The following PRKG1 variants were observed in gnomAD, a reference collection of about 807,000 sequenced individuals.
The protein encoded by PRKG1 is protein kinase cGMP-dependent 1.
Under a neutral mutation model 88.1 loss-of-function variants are expected in PRKG1, and 35 were observed. The ratio of observed to expected loss-of-function variants is 0.40; its 90% CI spans 0.30 to 0.53. PRKG1 has a LOEUF of 0.53. PRKG1 is among the 20% of genes least tolerant of loss of function. The pLI is 0.59. For missense variants in PRKG1, 540 were observed against 839.8 expected, an observed-to-expected ratio of 0.64 and a Z score of 4.41; for synonymous variants, 303 against 292.5, an observed-to-expected ratio of 1.04 and a Z score of -0.37.
chr10:52,006,547 C>A (rs1012225592), intron 5 of PRKG1, among the ~76,000 whole-genome samples: 5 of 151,988 alleles, frequency 3.3e-5, no homozygotes, highest in South Asian at 4.2e-4. Context: ...AAAGACTGGC[C>A]CTCTGAAATT....
intron 3 of PRKG1, among the ~76,000 whole-genome samples, chr10:51,571,906 A>G (rs1338015271): frequency 1.3e-5 from 2 of 151,784 alleles, no homozygotes; most frequent in Non-Finnish European, 2.9e-5. Context: ...TGAGAAAAGT[A>G]CTGGCTTAAA....
intron 1 of PRKG1, among the ~76,000 whole-genome samples, chr10:51,037,478 A>G (rs1467380075): frequency 2.0e-5 from 3 of 151,718 alleles, no homozygotes; most frequent in Non-Finnish European, 4.4e-5. Context: ...ACAAAAAACA[A>G]ACAAACAAAA....
intron 4 of PRKG1, among the ~76,000 whole-genome samples, chr10:51,846,168 A>T (rs916592180): frequency 2.6e-5 from 4 of 152,280 alleles, no homozygotes; most frequent in Middle Eastern, 3.4e-3. Flanking sequence ...AGTTCATAGA[A>T]ACAACCATAC....
chr10:51,110,737 G>C (rs139240602), intron 1 of PRKG1, among the ~76,000 whole-genome samples: 19 of 152,058 alleles, frequency 1.2e-4, no homozygotes, highest in African/African-American at 3.9e-4. Flanking sequence ...TGTATCTAAA[G>C]AGAGCTGCTA....
At chr10:51,620,282 T>TAA (rs1275492817) in intron 3 of PRKG1, among the ~76,000 whole-genome samples, 1 of 152,100 alleles carries the variant, frequency 6.6e-6, no homozygotes, top group African/African-American at 2.4e-5. Context: ...TAACTTGTAG[T>TAA]TAGTAATACC....
rs561905277 is a variant in PRKG1, at chr10:51,494,745, A to C, written c.592+26909A>C. On this transcript the variant is annotated intron_variant, in intron 3 of 17. Transcript: ENST00000373980. The stretch of plus-strand genomic sequence containing the variant: ...GGATAGTTTCAGTAGACTTCAAAAC[A>C]ATGTGTGCTCTCTGTATTTTTCTAT... Among the ~76,000 whole-genome samples, 16 of 152,348 alleles carry C rather than the reference A, an allele frequency of 1.1e-4. No individual in the cohort carries two copies. The South Asian group carries it at 3.3e-3, about 32-fold the overall frequency.
At chr10:51,358,514 A>C (rs571150843) in intron 2 of PRKG1, among the ~76,000 whole-genome samples, 1 of 151,956 alleles carries the variant, frequency 6.6e-6, no homozygotes, top group South Asian at 2.1e-4. Flanking sequence ...TAGAAAATAT[A>C]GTCTGCTACA....
chr10:51,049,440 T>C (rs540858386), intron 1 of PRKG1, among the ~76,000 whole-genome samples: 1 of 152,222 alleles, frequency 6.6e-6, no homozygotes, highest in Non-Finnish European at 1.5e-5. Context: ...AGCTACTGAT[T>C]TGGGGGAATT....
intron 4 of PRKG1, among the ~76,000 whole-genome samples, chr10:51,820,609 C>T (rs1839718965): frequency 6.6e-6 from 1 of 152,120 alleles, no homozygotes; most frequent in African/African-American, 2.4e-5. Context: ...CTTGCTATGG[C>T]TTCAGAGCAG....
chr10:51,635,028 C>G (rs917387864), intron 3 of PRKG1, among the ~76,000 whole-genome samples: 2 of 151,940 alleles, frequency 1.3e-5, no homozygotes, highest in South Asian at 4.1e-4. Flanking sequence ...ATATGCACAC[C>G]AAACCCCCAT....
At chr10:51,068,942 CA>C (rs1843787379) in intron 1 of PRKG1, among the ~76,000 whole-genome samples, 2 of 151,788 alleles carry the variant, frequency 1.3e-5, no homozygotes, top group East Asian at 1.9e-4. Flanking sequence ...TTTCAAAATA[CA>C]AAAAACCTAA....
intron 9 of PRKG1, among the ~76,000 whole-genome samples, chr10:52,198,464 G>GT (rs1366214846): frequency 6.6e-6 from 1 of 151,942 alleles, no homozygotes; most frequent in Non-Finnish European, 1.5e-5. Context: ...AATGACTTCA[G>GT]GAAGGAAGAA....
intron 4 of PRKG1, among the ~76,000 whole-genome samples, chr10:51,807,333 C>T (rs1199965052): frequency 6.6e-6 from 1 of 152,218 alleles, no homozygotes; most frequent in South Asian, 2.1e-4. Flanking sequence ...TCCTATTCTT[C>T]GGTACAAGTC....
chr10:51,231,160 A>C (rs1336941490), intron 2 of PRKG1, among the ~76,000 whole-genome samples: 7 of 152,190 alleles, frequency 4.6e-5, no homozygotes, highest in Non-Finnish European at 5.9e-5. Context: ...AGATTACAGC[A>C]AACATGTTTT....
chr10:51,364,691 G>GA (rs144201112), intron 2 of PRKG1, among the ~76,000 whole-genome samples: 6,114 of 151,892 alleles, frequency 0.04, 222 homozygotes, highest in African/African-American at 0.092. Context: ...CCTATAGATA[G>GA]AAAAAAATAA....
At chr10:52,254,048 TG>T (rs922130691) in intron 10 of PRKG1, among the ~76,000 whole-genome samples, 5 of 152,040 alleles carry the variant, frequency 3.3e-5, no homozygotes, top group African/African-American at 1.2e-4. Context: ...ATATTACTTT[TG>T]GGGTATTAAA....
chr10:52,183,444 T>G (rs1437598021), intron 9 of PRKG1, among the ~76,000 whole-genome samples: 1 of 152,184 alleles, frequency 6.6e-6, no homozygotes, highest in African/African-American at 2.4e-5. Flanking sequence ...GGCCACAGCA[T>G]TTTGGCTGTC....
chr10:51,231,127 T>A (rs1053625476), intron 2 of PRKG1, among the ~76,000 whole-genome samples: 1 of 152,194 alleles, frequency 6.6e-6, no homozygotes, highest in Non-Finnish European at 1.5e-5. Flanking sequence ...GTAAAAAGAC[T>A]CTAGGCTGAG....
At chr10:52,040,478 A>G (rs1845728159) in intron 5 of PRKG1, among the ~76,000 whole-genome samples, 2 of 152,214 alleles carry the variant, frequency 1.3e-5, no homozygotes, top group Non-Finnish European at 2.9e-5. Flanking sequence ...CTACTCTATA[A>G]ACAGTTTTAT....
Sources: gnomAD v4.1 joint callset for allele counts (sites outside exome capture counted in the v4.1 genomes callset) on GRCh38, gnomAD v4.1.1 for gene constraint, MANE v1.5 for transcripts, NCBI Gene and HGNC (gene_info 2026-07-23, HGNC 2026-07-21) for gene names.